Variants in RAB3C observed in about 807,000 individuals in gnomAD.
RAB3C encodes the protein ras-related protein Rab-3C.
In RAB3C, 17 loss-of-function variants were observed where a neutral mutation model predicts 26.4. The observed-to-expected ratio is 0.64, with a 90% CI of 0.44 to 0.97. The LOEUF (loss-of-function observed/expected upper bound fraction) is 0.97. Ranked by LOEUF, RAB3C falls within the 50% of genes least tolerant of loss-of-function variation. The probability of loss-of-function intolerance (pLI) is 0.00; values close to 1 mark genes in which losing one functional copy is unlikely to be tolerated. For synonymous variants in RAB3C, 91 were observed against 95.9 expected (o/e 0.95, Z 0.30); for missense variants, 242 against 281.9 (o/e 0.86, Z 1.01).
chr5:58,758,606 C>A (rs770008241), intron 3 of RAB3C, among the ~76,000 whole-genome samples: 5 of 152,044 alleles, frequency 3.3e-5, no homozygotes, highest in African/African-American at 4.8e-5. Context: ...GGTCCCTATC[C>A]TTAGGGAATT....
chr5:58,771,409 A>C (rs2111988552), intron 3 of RAB3C, among the ~76,000 whole-genome samples: 1 of 152,282 alleles, frequency 6.6e-6, no homozygotes, highest in South Asian at 2.1e-4. Flanking sequence ...TAACATAAAG[A>C]ATCCATCAAA....
chr5:58,809,650 G>C (rs1454525457), intron 3 of RAB3C, among the ~76,000 whole-genome samples: 1 of 152,154 alleles, frequency 6.6e-6, no homozygotes, highest in African/African-American at 2.4e-5. Flanking sequence ...AAGCCTCTGA[G>C]AGGTAATTAG....
At chr5:58,597,708 T>A (rs1292668303) in intron 1 of RAB3C, among the ~76,000 whole-genome samples, 3 of 50,868 alleles carry the variant, frequency 5.9e-5, no homozygotes, top group African/African-American at 1.4e-4. Context: ...GTATATAATA[T>A]AATATAGTAC....
intron 3 of RAB3C, among the ~76,000 whole-genome samples, chr5:58,792,185 CTTA>C (rs1742538365): frequency 6.6e-6 from 1 of 152,140 alleles, no homozygotes; most frequent in South Asian, 2.1e-4. Flanking sequence ...ACCACCAGAG[CTTA>C]TTATAATAAT....
chr5:58,635,041 C>T (rs144236075), intron 2 of RAB3C, among the ~76,000 whole-genome samples: 220 of 152,200 alleles, frequency 1.4e-3, no homozygotes, highest in African/African-American at 5.0e-3. Context: ...ACTAAAGGTA[C>T]CACAGTAAGG....
intron 3 of RAB3C, among the ~76,000 whole-genome samples, chr5:58,816,682 C>T (rs975502349): frequency 6.6e-6 from 1 of 152,036 alleles, no homozygotes; most frequent in Non-Finnish European, 1.5e-5. Context: ...TTAGACCTCA[C>T]AAAACCTGAA....
At chr5:58,669,691 G>A (rs908147560) in intron 2 of RAB3C, among the ~76,000 whole-genome samples, 8 of 152,116 alleles carry the variant, frequency 5.3e-5, no homozygotes, top group African/African-American at 1.7e-4. Context: ...TTTTTCATCT[G>A]TAAAACAGAT....
intron 3 of RAB3C, among the ~76,000 whole-genome samples, chr5:58,796,753 C>T (rs1742660092): frequency 1.3e-5 from 2 of 152,256 alleles, no homozygotes; most frequent in South Asian, 4.1e-4. Flanking sequence ...AACCCAGCTA[C>T]TGCCAGAGAA....
chr5:58,756,588 T>C (rs78590751), intron 3 of RAB3C, among the ~76,000 whole-genome samples: 4,202 of 103,286 alleles, frequency 0.041, no homozygotes, highest in Middle Eastern at 0.055. Context: ...CCATGTGTTC[T>C]CATTGTTCAA....
chr5:58,766,891 C>T (rs955085833), intron 3 of RAB3C, among the ~76,000 whole-genome samples: 4 of 152,182 alleles, frequency 2.6e-5, no homozygotes, highest in Non-Finnish European at 5.9e-5. Flanking sequence ...TGATTCCAAA[C>T]ATACAGGTGA....
chr5:58,604,544 T>C (rs1009455846), intron 1 of RAB3C, among the ~76,000 whole-genome samples: 1 of 152,142 alleles, frequency 6.6e-6, no homozygotes, highest in African/African-American at 2.4e-5. Flanking sequence ...GGAAGTATTA[T>C]GGCTGCCTCT....
At chr5:58,646,082 C>G (rs1480968881) in intron 2 of RAB3C, among the ~76,000 whole-genome samples, 1 of 152,274 alleles carries the variant, frequency 6.6e-6, no homozygotes, top group South Asian at 2.1e-4. Flanking sequence ...GGAGCGAAGT[C>G]GAATGATTTT....
At chr5:58,739,883 T>C (rs994431910) in intron 3 of RAB3C, among the ~76,000 whole-genome samples, 2 of 152,252 alleles carry the variant, frequency 1.3e-5, no homozygotes, top group African/African-American at 4.8e-5. Context: ...TTCTTTTTTG[T>C]ACTTTTCCTT....
Position 58,795,097 on chromosome 5 carries a change from G to C in RAB3C, c.372-29941G>C, listed in dbSNP as rs185367123. Among the ~76,000 whole-genome samples the C allele has an allele frequency of 6.6e-5, 10 of 152,250 alleles. No individual in the cohort carries two copies. The East Asian group carries it at 1.9e-3, about 29-fold the overall frequency. On this transcript the variant is annotated intron_variant, in intron 3 of 4. Coordinates refer to ENST00000282878, the MANE Select transcript of RAB3C (RefSeq NM_138453.4). ...CGGGTTTTTCCCATGCTATTCTCAG[G>C]ATAGTGAGTAAGTCTCCTGAGATCT...
chr5:58,680,843 T>C (rs1748329472), intron 2 of RAB3C, among the ~76,000 whole-genome samples: 1 of 152,204 alleles, frequency 6.6e-6, no homozygotes, highest in African/African-American at 2.4e-5. Context: ...TCACATCTTC[T>C]AAAGACCTCT....
intron 4 of RAB3C, among the ~76,000 whole-genome samples, chr5:58,833,434 T>C (rs901836412): frequency 1.3e-5 from 2 of 152,054 alleles, no homozygotes; most frequent in Non-Finnish European, 2.9e-5. Context: ...GTGATTCTAA[T>C]GTACAGCCAT....
chr5:58,587,910 AG>A (rs1385191021), intron 1 of RAB3C, among the ~76,000 whole-genome samples: 11 of 152,166 alleles, frequency 7.2e-5, no homozygotes, highest in Non-Finnish European at 1.6e-4. Context: ...AACTTCATAT[AG>A]TTCTGTAGAA....
chr5:58,753,735 C>T (rs1462028706), intron 3 of RAB3C, among the ~76,000 whole-genome samples: 1 of 152,126 alleles, frequency 6.6e-6, no homozygotes, highest in Non-Finnish European at 1.5e-5. Context: ...GAGACAAGAA[C>T]AGAACCAAGG....
At chr5:58,634,411 T>G (rs1395825265) in intron 2 of RAB3C, among the ~76,000 whole-genome samples, 1 of 152,212 alleles carries the variant, frequency 6.6e-6, no homozygotes, top group Non-Finnish European at 1.5e-5. Context: ...TCAGCTCCAT[T>G]CTAGAGGCTT....
Sources: allele counts gnomAD v4.1 joint callset (sites outside exome capture counted in the v4.1 genomes callset), GRCh38; gene constraint gnomAD v4.1.1; transcripts MANE v1.5; gene names NCBI Gene and HGNC (gene_info 2026-07-23, HGNC 2026-07-21).